CRISPLD1: variants seen among roughly 807,000 people sequenced by gnomAD.
CRISPLD1 encodes the protein cysteine rich secretory protein LCCL domain containing 1.
CRISPLD1 carries 60 observed loss-of-function variants against 77.5 expected under a neutral mutation model. That is an observed-to-expected ratio of 0.77 (90% confidence interval 0.63 to 0.96). CRISPLD1 has a LOEUF of 0.96. Among genes scored for constraint, CRISPLD1 ranks in the 40% least tolerant of loss-of-function variants. The pLI, the probability that CRISPLD1 is intolerant of heterozygous loss-of-function variation, is 0.00. For missense variants in CRISPLD1, 623 were observed against 615.8 expected (o/e 1.01, Z -0.12); for synonymous variants, 195 against 200.1 (o/e 0.97, Z 0.22).
chr8:75,008,254 A>G (rs545389627), intron 2 of CRISPLD1, among the ~76,000 whole-genome samples: 1 of 152,300 alleles, frequency 6.6e-6, no homozygotes, highest in East Asian at 1.9e-4. Context: ...TACTCATTTT[A>G]TAGAGAAGTG....
At chr8:75,030,680 A>G (rs867565679) in intron 14 of CRISPLD1, among the ~76,000 whole-genome samples, 38 of 146,552 alleles carry the variant, frequency 2.6e-4, no homozygotes, top group African/African-American at 6.7e-4. Context: ...CCGGAGATAT[A>G]TGTGTGTGTG....
intron 2 of CRISPLD1, among the ~76,000 whole-genome samples, chr8:74,997,353 T>C (rs963563583): frequency 5.3e-5 from 8 of 152,122 alleles, no homozygotes; most frequent in Non-Finnish European, 8.8e-5. Flanking sequence ...TAAGGAGGAA[T>C]CTGGGATGTT....
chr8:75,014,673 T>A (rs1190167263), intron 5 of CRISPLD1, 139 bp from the exon 6 acceptor site: 9 of 527,908 alleles, frequency 1.7e-5, no homozygotes, highest in Non-Finnish European at 2.6e-5. Context: ...CCAGAAGGGC[T>A]CTATAATAAA....
chr8:75,007,070 A>G (rs958021586), intron 2 of CRISPLD1, among the ~76,000 whole-genome samples: 4 of 151,948 alleles, frequency 2.6e-5, no homozygotes, highest in African/African-American at 9.7e-5. Context: ...ATCAGAAAAT[A>G]CTCTCTTCAG....
At chr8:75,029,284 C>A in intron 13 of CRISPLD1, 103 bp from the exon 14 acceptor site, 1 of 1,162,660 alleles carries the variant, frequency 8.6e-7, no homozygotes, top group Non-Finnish European at 1.2e-6. Context: ...CTATCCATGA[C>A]ATCAGGATGT....
chr8:74,991,447 A>G (rs529096350), intron 2 of CRISPLD1, among the ~76,000 whole-genome samples: 1 of 152,338 alleles, frequency 6.6e-6, no homozygotes, highest in African/African-American at 2.4e-5. Context: ...TGATTAGCTT[A>G]TAAAGGGAAG....
At chr8:75,019,261 T>TA (rs199704116) in intron 10 of CRISPLD1, among the ~76,000 whole-genome samples, 2,053 of 152,324 alleles carry the variant, frequency 0.013, 20 homozygotes, top group Middle Eastern at 0.027. Context: ...TGTACCATGT[T>TA]AAAGTACCAT....
intron 2 of CRISPLD1, among the ~76,000 whole-genome samples, chr8:75,006,529 T>G (rs1812833750): frequency 6.6e-6 from 1 of 152,180 alleles, no homozygotes; most frequent in Admixed American, 6.6e-5. Flanking sequence ...GGTGAAAGTT[T>G]CTACAGTAGC....
rs369977144 is a variant in CRISPLD1 at position 75,029,438 on chromosome 8, G to A, written c.1372G>A (p.Gly458Ser). 9.3e-6 allele frequency: 15 copies of A among 1,613,616 alleles called. No individual in the cohort carries two copies. Among genetic ancestry groups the A allele is most frequent in the South Asian group, 4.4e-5 (4 of 91,060 alleles). Residue 458 changes from glycine to serine, a missense_variant, in exon 14 of 15, where the codon GGT becomes AGT. Transcript: ENST00000262207. ...ACATGCTGGAGTGGTTCGAAATCACGGTGGTTATGTTGATGTAATGCCTGT... is the reference window on the plus strand; with the variant it reads ...ACATGCTGGAGTGGTTCGAAATCACAGTGGTTATGTTGATGTAATGCCTGT... ...AVHAGVVRNH[G>S]GYVDVMPVDK...
intron 12 of CRISPLD1, among the ~76,000 whole-genome samples, chr8:75,022,627 C>T (rs530563966): frequency 3.3e-4 from 49 of 150,226 alleles, no homozygotes; most frequent in Middle Eastern, 3.6e-3. Flanking sequence ...GTAATAGTTT[C>T]ATAAACTGGG....
At chr8:75,010,333 C>CT (rs1812907133) in intron 2 of CRISPLD1, among the ~76,000 whole-genome samples, 1 of 152,034 alleles carries the variant, frequency 6.6e-6, no homozygotes, top group Non-Finnish European at 1.5e-5. Flanking sequence ...CTCTTTGTCC[C>CT]TAGGGTGTTT....
At position 75,033,839 on chromosome 8, in the gene CRISPLD1, G is replaced by A. The variant is rs545776751; in HGVS notation, c.*1597G>A. Reference sequence around the variant, plus strand: ...TGGTAATTAAAACAATGATGTATACGTTAAAGATTGCAAAACTTAAAAGCA... The same window carrying A: ...TGGTAATTAAAACAATGATGTATACATTAAAGATTGCAAAACTTAAAAGCA... On this transcript the variant is annotated 3_prime_UTR_variant, in exon 15 of 15. Coordinates refer to ENST00000262207, the MANE Select transcript of CRISPLD1 (RefSeq NM_031461.6). 37 of 152,110 alleles carry A rather than the reference G, an allele frequency of 2.4e-4. No homozygotes were observed. The highest frequency in any genetic ancestry group is 2.8e-4 in the Non-Finnish European group (19 of 67,908). 9.4% of individuals were successfully genotyped at this position (152,110 alleles called of 1,614,324 possible).
At chr8:74,995,230 A>T (rs570742530) in intron 2 of CRISPLD1, among the ~76,000 whole-genome samples, 21 of 152,336 alleles carry the variant, frequency 1.4e-4, no homozygotes, top group Non-Finnish European at 1.8e-4. Context: ...CTAGAAGAAC[A>T]TGATGACCTG....
At chr8:75,025,744 T>G in intron 13 of CRISPLD1, 123 bp downstream of exon 13, 2 of 398,176 alleles carry the variant, frequency 5.0e-6, no homozygotes, top group Non-Finnish European at 9.0e-6. Context: ...TAATGTGTGT[T>G]CTCAGAAGAG....
intron 2 of CRISPLD1, among the ~76,000 whole-genome samples, chr8:74,986,773 G>A (rs1563605094): frequency 1.3e-5 from 2 of 152,142 alleles, no homozygotes; most frequent in East Asian, 3.9e-4. Context: ...TTCTCCCCTT[G>A]GATTTATTAT....
chr8:74,995,783 C>T (rs1812638034), intron 2 of CRISPLD1, among the ~76,000 whole-genome samples: 1 of 151,796 alleles, frequency 6.6e-6, no homozygotes, highest in Non-Finnish European at 1.5e-5. Flanking sequence ...CAAATTATGC[C>T]TCTATTTAAA....
Position 75,017,053 on chromosome 8 carries a change from ATGTCCTGCTGGC to A in CRISPLD1, c.940_951del (p.Pro314_Cys317del). The A allele has an allele frequency of 6.2e-7, 1 of 1,612,036 alleles. No individual in the cohort carries two copies. Among genetic ancestry groups the A allele is most frequent in the Non-Finnish European group, 8.5e-7 (1 of 1,178,888 alleles). The stretch of plus-strand genomic sequence containing the variant: ...CCCAATTACTTTTATTTAGGTACGA[ATGTCCTGCTGGC>A]TGTTTGGATAGTAAAGCTAAAGTTA... On this transcript the variant is annotated inframe_deletion, in exon 9 of 15. Transcript: ENST00000262207.
At position 75,017,124 on chromosome 8, in the gene CRISPLD1, T is replaced by C. The variant is rs1255674567; in HGVS notation, c.996+11T>C. On this transcript the variant is annotated intron_variant, in intron 9 of 14. Coordinates refer to ENST00000262207, the MANE Select transcript of CRISPLD1 (RefSeq NM_031461.6). ...GTACATTATGAAATGGTAAGTGTTA[T>C]AAATGTAATTATTTGAGGATAGAGT... is the stretch of plus-strand genomic sequence containing the variant. The C allele has an allele frequency of 3.1e-6, 5 of 1,599,662 alleles. No homozygotes were observed. Among genetic ancestry groups the C allele is most frequent in the East Asian group, 4.5e-5 (2 of 44,686 alleles).
At chr8:75,008,326 AAG>A (rs1409314808) in intron 2 of CRISPLD1, among the ~76,000 whole-genome samples, 2 of 152,194 alleles carry the variant, frequency 1.3e-5, no homozygotes, top group Non-Finnish European at 2.9e-5. Context: ...GGAATTAAAA[AAG>A]AAGCTCTTTG....
Sources: allele counts gnomAD v4.1 joint callset (sites outside exome capture counted in the v4.1 genomes callset), GRCh38; gene constraint gnomAD v4.1.1; transcripts MANE v1.5; gene names NCBI Gene and HGNC (gene_info 2026-07-23, HGNC 2026-07-21).